ARL6IP5: variants seen among roughly 807,000 people sequenced by gnomAD.
ARL6IP5 encodes ARF like GTPase 6 interacting protein 5.
In ARL6IP5, 6 loss-of-function variants were observed where a neutral mutation model predicts 13.0. That is an observed-to-expected ratio of 0.46 (90% CI 0.25 to 0.91). ARL6IP5 has a LOEUF of 0.91. Among genes scored for constraint, ARL6IP5 ranks in the 40% least tolerant of loss-of-function variants. ARL6IP5 has a pLI of 0.17. For missense variants in ARL6IP5, 208 were observed against 248.8 expected (o/e 0.84, Z 1.10); for synonymous variants, 91 against 91.9 (o/e 0.99, Z 0.06).
At chr3:69,103,474 T>C (rs991415418) in intron 2 of ARL6IP5, among the ~76,000 whole-genome samples, 7 of 152,188 alleles carry the variant, frequency 4.6e-5, no homozygotes, top group Non-Finnish European at 1.0e-4. Flanking sequence ...AAAATATACA[T>C]TTCCCAGCCA....
At chr3:69,097,974 C>A (rs1327267934) in intron 1 of ARL6IP5, among the ~76,000 whole-genome samples, 1 of 151,974 alleles carries the variant, frequency 6.6e-6, no homozygotes, top group Non-Finnish European at 1.5e-5. Context: ...TGCCAAGCGG[C>A]GGTTGTGGGT....
Position 69,101,930 on chromosome 3 carries a change from C to T in ARL6IP5, c.268C>T (p.Leu90Phe). 6.2e-7 allele frequency: 1 copy of T among 1,614,064 alleles called. No individual in the cohort carries two copies. Among genetic ancestry groups the T allele is most frequent in the Non-Finnish European group, 8.5e-7 (1 of 1,180,028 alleles). ...FVWAAHNKDV[L>F]RRMKKRYPTT... ...GTGGGCAGCCCACAATAAAGACGTCCTTCGCCGGATGAAGAAGCGCTACCC... is the reference window on the plus strand; with the variant it reads ...GTGGGCAGCCCACAATAAAGACGTCTTTCGCCGGATGAAGAAGCGCTACCC... Residue 90 changes from leucine (L) to phenylalanine (F), a missense_variant, in exon 2 of 3, where the codon CTT becomes TTT. Physicochemically the swap from Leu to Phe is conservative, Grantham distance 22. Transcript: ENST00000273258.
chr3:69,101,751 C>A, intron 1 of ARL6IP5, 88 bp from the exon 2 acceptor site: 1 of 1,120,924 alleles, frequency 8.9e-7, no homozygotes, highest in South Asian at 1.4e-5. Context: ...TTAGTAAGTT[C>A]TCAATAATTG....
chr3:69,090,588 G>A (rs774970330), intron 1 of ARL6IP5, among the ~76,000 whole-genome samples: 1 of 152,210 alleles, frequency 6.6e-6, no homozygotes. Context: ...GTTGGGAATA[G>A]GGGAGGCATT....
intron 1 of ARL6IP5, among the ~76,000 whole-genome samples, chr3:69,096,521 G>A (rs1454032711): frequency 1.3e-5 from 2 of 151,586 alleles, no homozygotes; most frequent in African/African-American, 4.9e-5. Context: ...TACTTGCAGG[G>A]TATGCAAAGG....
chr3:69,098,388 C>G (rs2092293864), intron 1 of ARL6IP5, among the ~76,000 whole-genome samples: 1 of 152,030 alleles, frequency 6.6e-6, no homozygotes, highest in Admixed American at 6.6e-5. Flanking sequence ...AGATTACAGG[C>G]TCCCGCCACC....
In ARL6IP5 at chr3:69,104,677, T is replaced by C. The variant is rs1350422771; in HGVS notation, c.*41T>C. The C allele has an allele frequency of 6.2e-7, 1 of 1,602,400 alleles. No individual in the cohort carries two copies. The highest frequency in any genetic ancestry group is 8.5e-7 in the Non-Finnish European group (1 of 1,172,660). On this transcript the variant is annotated 3_prime_UTR_variant, in exon 3 of 3. Coordinates refer to ENST00000273258, the MANE Select transcript of ARL6IP5 (RefSeq NM_006407.4). ...GCTAGGGTTGCAGCAGAAATTGAGT[T>C]GCAGCTTGCCCTTGTCCAGACCTAT...
At chr3:69,089,538 C>T (rs932715935) in intron 1 of ARL6IP5, among the ~76,000 whole-genome samples, 5 of 151,520 alleles carry the variant, frequency 3.3e-5, no homozygotes, top group African/African-American at 4.9e-5. Flanking sequence ...GGTATAGTGG[C>T]TCACACCTGT....
rs2092316131 is a variant in ARL6IP5, at chr3:69,104,496, A to G, written c.427A>G (p.Asn143Asp). 7 of 1,613,916 alleles carry G rather than the reference A, an allele frequency of 4.3e-6. No homozygotes were observed. The Admixed American group carries it at 5.0e-5, about 12-fold the overall frequency. ...MFIHASLRLR[N>D]LKNKLENKME... ...TATCCATGCATCGTTGAGACTTCGG[A>G]ACCTCAAGAACAAACTGGAGAATAA... The change falls in exon 3 of 3, where the codon AAC becomes GAC. Residue 143 changes from asparagine (N) to aspartate (D), a missense_variant. Transcript: ENST00000273258.
intron 1 of ARL6IP5, among the ~76,000 whole-genome samples, chr3:69,098,606 G>T (rs1052324475): frequency 2.0e-5 from 3 of 152,038 alleles, no homozygotes; most frequent in Non-Finnish European, 2.9e-5. Flanking sequence ...GGCCAGGCTG[G>T]TCTCAAACTC....
chr3:69,085,626 G>A (rs951113654), intron 1 of ARL6IP5, among the ~76,000 whole-genome samples: 4 of 152,194 alleles, frequency 2.6e-5, no homozygotes, highest in African/African-American at 7.2e-5. Context: ...GGAGCTGGCT[G>A]GGGCGGCAGG....
At chr3:69,088,908 G>A (rs1040348380) in intron 1 of ARL6IP5, among the ~76,000 whole-genome samples, 9 of 152,214 alleles carry the variant, frequency 5.9e-5, no homozygotes, top group South Asian at 2.1e-4. Flanking sequence ...AGTACTAAGC[G>A]TGTGATACAT....
intron 1 of ARL6IP5, among the ~76,000 whole-genome samples, chr3:69,092,739 C>T (rs1446233945): frequency 6.6e-6 from 1 of 151,500 alleles, no homozygotes; most frequent in East Asian, 1.9e-4. Flanking sequence ...AGGCTGGTGT[C>T]GAACTCCTAG....
At chr3:69,100,297 T>G (rs772759335) in intron 1 of ARL6IP5, among the ~76,000 whole-genome samples, 1 of 152,220 alleles carries the variant, frequency 6.6e-6, no homozygotes, top group Non-Finnish European at 1.5e-5. Flanking sequence ...TACTAAACAT[T>G]TGGCTTATAT....
At chr3:69,098,735 T>C (rs1414091394) in intron 1 of ARL6IP5, among the ~76,000 whole-genome samples, 1 of 152,200 alleles carries the variant, frequency 6.6e-6, no homozygotes, top group Non-Finnish European at 1.5e-5. Context: ...ATGATAAATC[T>C]ACCTAACAGA....
rs1004021839 is a variant in ARL6IP5, at chr3:69,099,732, A to G, written c.177-2107A>G. ...CCCCTTCCCTCATTTCAAATCAGCA[A>G]TGTTACTATTCAGGGCATGAGGAGA... On this transcript the variant is annotated intron_variant, in intron 1 of 2. Coordinates refer to ENST00000273258, the MANE Select transcript of ARL6IP5 (RefSeq NM_006407.4). 1.1e-4 allele frequency among the ~76,000 whole-genome samples: 16 copies of G among 152,178 alleles called. 1 individual carries two copies. The South Asian group carries it at 1.5e-3, about 14-fold the overall frequency.
rs577531829 is a variant in ARL6IP5 at position 69,090,156 on chromosome 3, A to AG, written c.176+4935dup. ...GAAGAACCAAGTTTCCAGTTGGTAGAGGAAAAAAAGCGTAAGGCAACCCTG... is the reference window on the plus strand; with the variant it reads ...GAAGAACCAAGTTTCCAGTTGGTAGAGGGAAAAAAAGCGTAAGGCAACCCTG... On this transcript the variant is annotated intron_variant, in intron 1 of 2. Transcript: ENST00000273258. Among the ~76,000 whole-genome samples, 38 of 152,342 alleles carry AG rather than the reference A, an allele frequency of 2.5e-4. No individual in the cohort carries two copies. In the East Asian group the frequency reaches 4.8e-3, roughly 19 times the overall value.
Position 69,085,206 on chromosome 3 carries a change from G to A in ARL6IP5, c.159G>A (p.Met53Ile), listed in dbSNP as rs1230937441. ...YQTNYLVVAA[M>I]MISIVGFLSP... ...CCAACTACCTGGTGGTGGCTGCCATGATGATTTCCATTGTGGGGTAAGTGG... is the reference window on the plus strand; with the variant it reads ...CCAACTACCTGGTGGTGGCTGCCATAATGATTTCCATTGTGGGGTAAGTGG... The change falls in exon 1 of 3, where the codon ATG becomes ATA. Residue 53 changes from methionine to isoleucine, a missense_variant. Transcript: ENST00000273258. The A allele has an allele frequency of 6.2e-7, 1 of 1,613,732 alleles. No homozygotes were observed. The highest frequency in any genetic ancestry group is 8.5e-7 in the Non-Finnish European group (1 of 1,179,820).
chr3:69,097,599 T>C (rs1282194897), intron 1 of ARL6IP5, among the ~76,000 whole-genome samples: 2 of 152,204 alleles, frequency 1.3e-5, no homozygotes, highest in Non-Finnish European at 2.9e-5. Context: ...CATCAGATTC[T>C]TTCCTTCCTC....
Sources: gnomAD v4.1 joint callset for allele counts (sites outside exome capture counted in the v4.1 genomes callset) on GRCh38, gnomAD v4.1.1 for gene constraint, MANE v1.5 for transcripts, NCBI Gene and HGNC (gene_info 2026-07-23, HGNC 2026-07-21) for gene names.